EFCAB13: variants seen among roughly 807,000 people sequenced by gnomAD.
EFCAB13 encodes EF-hand calcium binding domain 13.
EFCAB13 carries 91 observed loss-of-function variants against 110.2 expected under a neutral mutation model. That is an observed-to-expected ratio of 0.83 (90% CI 0.70 to 0.98). The LOEUF is 0.98. Among genes scored for constraint, EFCAB13 ranks in the 50% least tolerant of loss-of-function variants. The pLI is 0.00. For missense variants in EFCAB13, 968 were observed against 1,119.4 expected (o/e 0.86, Z 1.93); for synonymous variants, 323 against 369.9 (o/e 0.87, Z 1.45).
At chr17:47,432,792 A>G (rs951361579) in intron 24 of EFCAB13, among the ~76,000 whole-genome samples, 1 of 152,042 alleles carries the variant, frequency 6.6e-6, no homozygotes, top group African/African-American at 2.4e-5. Context: ...TATCTCATGA[A>G]TAGTACATGG....
chr17:47,395,476 G>C (rs1742597517), intron 16 of EFCAB13, among the ~76,000 whole-genome samples: 1 of 152,132 alleles, frequency 6.6e-6, no homozygotes, highest in Non-Finnish European at 1.5e-5. Context: ...AGGAGCCAGA[G>C]GAGAATTTTA....
chr17:47,438,107 GC>G (rs1905245237), intron 24 of EFCAB13, among the ~76,000 whole-genome samples: 1 of 152,108 alleles, frequency 6.6e-6, no homozygotes, highest in Non-Finnish European at 1.5e-5. Context: ...TGAAGATAGG[GC>G]CCTAATCCCT....
At chr17:47,344,945 T>G in intron 7 of EFCAB13, 71 bp from the exon 8 acceptor site, 1 of 1,150,528 alleles carries the variant, frequency 8.7e-7, no homozygotes, top group Non-Finnish European at 1.3e-6. Context: ...TATTGGTAAG[T>G]TTGCTAATAT....
intron 20 of EFCAB13, among the ~76,000 whole-genome samples, chr17:47,407,818 A>G (rs1013237911): frequency 3.3e-5 from 5 of 152,136 alleles, no homozygotes; most frequent in African/African-American, 1.2e-4. Flanking sequence ...AATGTTTGAT[A>G]TTACTGTTCT....
intron 17 of EFCAB13, among the ~76,000 whole-genome samples, chr17:47,400,730 G>C: frequency 6.9e-6 from 1 of 145,968 alleles, no homozygotes. Context: ...GTAAGTAGCT[G>C]TGATTTAGTT....
chr17:47,363,917 G>T, intron 10 of EFCAB13, among the ~76,000 whole-genome samples: 1 of 152,066 alleles, frequency 6.6e-6, no homozygotes, highest in Admixed American at 6.5e-5. Context: ...ATATGATGGG[G>T]TATGAAAATG....
In EFCAB13 at chr17:47,394,013, T is replaced by G. The variant is rs748618944; in HGVS notation, c.1727-12T>G. On this transcript the variant is annotated splice_polypyrimidine_tract_variant and intron_variant, in intron 15 of 24. Coordinates refer to ENST00000331493, the MANE Select transcript of EFCAB13 (RefSeq NM_152347.5). ...AAAAGATGCCAAAAAAATGTGTTTC[T>G]TTTTCCTGTAGAAACAAAAAAAGTG... The G allele has an allele frequency of 1.3e-6, 2 of 1,516,784 alleles. No individual in the cohort carries two copies. Among genetic ancestry groups the G allele is most frequent in the Non-Finnish European group, 8.9e-7 (1 of 1,128,298 alleles). The allele number at this position is 1,516,784 out of a possible 1,614,324, so 94.0% of individuals were successfully genotyped here. A position where few individuals can be genotyped will look rare whatever the true frequency, so the allele number is the denominator to read the frequency against.
chr17:47,372,926 C>G (rs935918290), intron 11 of EFCAB13, among the ~76,000 whole-genome samples: 1 of 152,034 alleles, frequency 6.6e-6, no homozygotes, highest in African/African-American at 2.4e-5. Flanking sequence ...TGATTAGAGG[C>G]ATTTGGCCTT....
intron 9 of EFCAB13, among the ~76,000 whole-genome samples, chr17:47,348,650 A>G (rs902921440): frequency 6.6e-6 from 1 of 151,980 alleles, no homozygotes; most frequent in Non-Finnish European, 1.5e-5. Context: ...TAATAGATAT[A>G]CGGTTATTAT....
intron 23 of EFCAB13, among the ~76,000 whole-genome samples, chr17:47,415,293 C>T (rs569950764): frequency 3.9e-4 from 60 of 151,994 alleles, no homozygotes; most frequent in Non-Finnish European, 7.5e-4. Context: ...TGCTAAATGA[C>T]GAGTTAATGG....
chr17:47,402,206 A>C lies in EFCAB13; in HGVS notation c.2017+3A>C, dbSNP rs1359906890. On this transcript the variant is annotated splice_donor_region_variant and intron_variant, in intron 18 of 24. Coordinates refer to ENST00000331493, the MANE Select transcript of EFCAB13 (RefSeq NM_152347.5). ...GCGTGATGCTGCCAGGTTAGAAGGTAAGTACTGAATTATTTATAACGGTTA... is the reference window on the plus strand; with the variant it reads ...GCGTGATGCTGCCAGGTTAGAAGGTCAGTACTGAATTATTTATAACGGTTA... 6.2e-7 allele frequency: 1 copy of C among 1,610,740 alleles called. No homozygotes were observed.
intron 14 of EFCAB13, among the ~76,000 whole-genome samples, chr17:47,386,279 AG>A (rs1273148894): frequency 1.3e-5 from 2 of 152,174 alleles, no homozygotes; most frequent in Non-Finnish European, 2.9e-5. Context: ...TGGTCCAGTG[AG>A]ATGGGAGTTT....
chr17:47,385,477 G>A (rs545044339), intron 14 of EFCAB13, among the ~76,000 whole-genome samples: 23 of 151,862 alleles, frequency 1.5e-4, no homozygotes, highest in African/African-American at 5.3e-4. Context: ...TTCTTGTGCC[G>A]TGTTTTTCAG....
At chr17:47,381,335 G>A (rs930885324) in intron 14 of EFCAB13, among the ~76,000 whole-genome samples, 5 of 151,884 alleles carry the variant, frequency 3.3e-5, no homozygotes, top group African/African-American at 4.8e-5. Context: ...TTTCTTTTGC[G>A]TGCAGAAGTT....
chr17:47,369,056 C>G (rs1461991281), intron 10 of EFCAB13, among the ~76,000 whole-genome samples: 1 of 152,160 alleles, frequency 6.6e-6, no homozygotes, highest in Non-Finnish European at 1.5e-5. Context: ...GAATTCCATG[C>G]ACCTTTAATC....
At chr17:47,408,107 G>A (rs1378329983) in intron 20 of EFCAB13, among the ~76,000 whole-genome samples, 1 of 152,144 alleles carries the variant, frequency 6.6e-6, no homozygotes, top group Non-Finnish European at 1.5e-5. Context: ...TTCCTTTTAT[G>A]TGTTTTAGAG....
chr17:47,379,233 G>C lies in EFCAB13; in HGVS notation c.1562G>C (p.Arg521Pro), dbSNP rs144068587. 6.2e-7 allele frequency: 1 copy of C among 1,613,322 alleles called. No individual in the cohort carries two copies. The highest frequency in any genetic ancestry group is 8.5e-7 in the Non-Finnish European group (1 of 1,179,462). The change falls in exon 14 of 25, where the codon CGA becomes CCA. Residue 521 changes from arginine (R) to proline (P), a missense_variant. By Grantham distance (103) the Arg-to-Pro change is moderately radical. Coordinates refer to ENST00000331493, the MANE Select transcript of EFCAB13 (RefSeq NM_152347.5). ...TTTGTAAATGCTCTCGCCAAGGAGC[G>C]AAGTTTTCCTGAATGCAATGGTAGG... ...DDFVNALAKERSFPECNALPG... is the reference protein window; with the variant it reads ...DDFVNALAKEPSFPECNALPG...
Position 47,344,442 on chromosome 17 carries a change from ATGGAAT to A in EFCAB13, c.434+156_434+161del, listed in dbSNP as rs947687030. ...TTGTGTAGAGATAAGAGCACTGTATATGGAATTGGAAGACTTAGATTTGAGTCCGAT... is the reference window on the plus strand; with the variant it reads ...TTGTGTAGAGATAAGAGCACTGTATATGGAAGACTTAGATTTGAGTCCGAT... On this transcript the variant is annotated intron_variant, in intron 7 of 24. Transcript: ENST00000331493. 3 of 1,018,144 alleles carry A rather than the reference ATGGAAT, an allele frequency of 2.9e-6. No individual in the cohort carries two copies. In the Admixed American group the frequency reaches 8.5e-5, roughly 29 times the overall value. 63.1% of individuals were successfully genotyped at this position (1,018,144 alleles called of 1,614,324 possible).
chr17:47,329,292 G>T (rs2065306158), intron 4 of EFCAB13, among the ~76,000 whole-genome samples: 1 of 152,044 alleles, frequency 6.6e-6, no homozygotes, highest in African/African-American at 2.4e-5. Flanking sequence ...AACACAAAAG[G>T]GTGGGGGGAT....
Sources: gnomAD v4.1 joint callset for allele counts (sites outside exome capture counted in the v4.1 genomes callset) on GRCh38, gnomAD v4.1.1 for gene constraint, MANE v1.5 for transcripts, NCBI Gene and HGNC (gene_info 2026-07-23, HGNC 2026-07-21) for gene names.